The following PNPLA7 variants were observed in gnomAD, a reference collection of about 807,000 sequenced individuals.
PNPLA7 encodes the protein patatin-like phospholipase domain-containing protein 7.
In PNPLA7, 153 loss-of-function variants were observed where a neutral mutation model predicts 161.7. The observed-to-expected ratio is 0.95, with a 90% CI of 0.83 to 1.08. PNPLA7 has a LOEUF of 1.08. PNPLA7 is among the 50% of genes least tolerant of loss of function. The pLI, the probability that PNPLA7 is intolerant of heterozygous loss-of-function variation, is 0.00. For missense variants in PNPLA7, 1,739 were observed against 1,856.6 expected, an observed-to-expected ratio of 0.94 and a Z score of 1.16; for synonymous variants, 809 against 782.1, an observed-to-expected ratio of 1.03 and a Z score of -0.57.
intron 8 of PNPLA7, among the ~76,000 whole-genome samples, chr9:137,529,123 G>C (rs976960004): frequency 1.3e-5 from 2 of 152,182 alleles, no homozygotes; most frequent in South Asian, 2.1e-4. Flanking sequence ...TTAGCCTCCT[G>C]AGTAGCTGGG....
At chr9:137,542,226 T>A (rs1436576864) in intron 7 of PNPLA7, among the ~76,000 whole-genome samples, 3 of 152,172 alleles carry the variant, frequency 2.0e-5, no homozygotes, top group Non-Finnish European at 4.4e-5. Flanking sequence ...TCCAGTGCTC[T>A]GAGAGGACAA....
At chr9:137,465,742 G>T (rs573502699) in intron 26 of PNPLA7, among the ~76,000 whole-genome samples, 4 of 152,170 alleles carry the variant, frequency 2.6e-5, no homozygotes, top group Non-Finnish European at 2.9e-5. Context: ...TGCCGCACAG[G>T]GGGTGACGAA....
intron 8 of PNPLA7, among the ~76,000 whole-genome samples, chr9:137,539,202 G>C (rs1022161828): frequency 3.3e-5 from 5 of 152,090 alleles, no homozygotes; most frequent in African/African-American, 1.2e-4. Flanking sequence ...AATTAGCTGG[G>C]CATGGTGGCG....
At chr9:137,478,211 G>A (rs1014813640) in intron 24 of PNPLA7, 59 bp from the exon 25 acceptor site, 50 of 1,196,222 alleles carry the variant, frequency 4.2e-5, no homozygotes, top group East Asian at 9.5e-5. Flanking sequence ...CCGAGACCTC[G>A]CATCCTGGCT....
chr9:137,500,700 T>A lies in PNPLA7; in HGVS notation c.1748A>T (p.His583Leu). 6.2e-7 allele frequency: 1 copy of A among 1,612,092 alleles called. No homozygotes were observed. Among genetic ancestry groups the A allele is most frequent in the Middle Eastern group, 1.7e-4 (1 of 6,058 alleles). Residue 583 changes from histidine to leucine, a missense_variant, in exon 16 of 35, where the codon CAC becomes CTC. Transcript: ENST00000406427. This position sits in a 1 kb window ranked among gnomAD's most constrained non-coding sequence, Gnocchi z 5.5. ...DCSFLSISKA[H>L]FYEIMRKQPT... Reference sequence around the variant, plus strand: ...GGCCCGTGGGACTCACTCATAGAAGTGGGCCTTGGAGATGGACAGGAAGCT... The same window carrying A: ...GGCCCGTGGGACTCACTCATAGAAGAGGGCCTTGGAGATGGACAGGAAGCT...
chr9:137,548,779 G>C (rs929756004), intron 1 of PNPLA7, among the ~76,000 whole-genome samples: 1 of 152,142 alleles, frequency 6.6e-6, no homozygotes, highest in African/African-American at 2.4e-5. Flanking sequence ...AGTCAGAAGA[G>C]CACTCAGAAA....
chr9:137,494,998 C>A, intron 19 of PNPLA7, 35 bp downstream of exon 19: 1 of 1,564,318 alleles, frequency 6.4e-7, no homozygotes, highest in South Asian at 1.1e-5. Flanking sequence ...TCCACACCCT[C>A]ATCCGCTCCG....
rs1442466458 is a variant in PNPLA7, at chr9:137,534,408, C to G, written c.747+6234G>C. Among the ~76,000 whole-genome samples, 6 of 151,618 alleles carry G rather than the reference C, an allele frequency of 4.0e-5. No homozygotes were observed. In the East Asian group the frequency reaches 1.2e-3, roughly 30 times the overall value. ...TTCCAGGCTCCTCCCCAACAGTGTC[C>G]ACTCCAGATGGGAGCACTCCCAGAC... On this transcript the variant is annotated intron_variant, in intron 8 of 34. Coordinates refer to ENST00000406427, the MANE Select transcript of PNPLA7 (RefSeq NM_001098537.3).
At chr9:137,530,585 C>T (rs954363532) in intron 8 of PNPLA7, among the ~76,000 whole-genome samples, 21 of 152,338 alleles carry the variant, frequency 1.4e-4, no homozygotes, top group Admixed American at 9.8e-4. Flanking sequence ...GCTTTATTTT[C>T]GGAGTTCTCC....
rs1836229262 is a variant in PNPLA7 at position 137,541,938 on chromosome 9, C to T, written c.666+704G>A. Among the ~76,000 whole-genome samples the T allele has an allele frequency of 6.6e-6, 1 of 152,132 alleles. No individual in the cohort carries two copies. The highest frequency in any genetic ancestry group is 2.4e-5 in the African/African-American group (1 of 41,428). On this transcript the variant is annotated intron_variant, in intron 7 of 34. Transcript: ENST00000406427. This position sits in a 1 kb window ranked among gnomAD's most constrained non-coding sequence, Gnocchi z 4.4. ...TGGGACCACAGGTGCTACCACCATG[C>T]CTGGATAATTATTTTTTATTTTTTG...
intron 19 of PNPLA7, among the ~76,000 whole-genome samples, chr9:137,493,564 G>A (rs1219564453): frequency 6.6e-6 from 1 of 152,252 alleles, no homozygotes; most frequent in Non-Finnish European, 1.5e-5. Flanking sequence ...CCCACACCAG[G>A]GGTTGCTGGC....
At chr9:137,471,072 C>G (rs1831680310) in intron 25 of PNPLA7, among the ~76,000 whole-genome samples, 1 of 152,118 alleles carries the variant, frequency 6.6e-6, no homozygotes, top group Non-Finnish European at 1.5e-5. Flanking sequence ...CCCACCAGCA[C>G]AGTAAGGCAA....
rs1336479085 is a variant in PNPLA7, at chr9:137,486,636, C to G, written c.2198-1900G>C. ...CCCACCTCCGGCCCCAGGCTCCTAC[C>G]CGACCCACCAAAGCTCAGTCCCCGC... On this transcript the variant is annotated intron_variant, in intron 20 of 34. Transcript: ENST00000406427. The surrounding 1 kb of genome is among the most constrained non-coding windows in gnomAD (Gnocchi z 6.0). 1.3e-5 allele frequency among the ~76,000 whole-genome samples: 2 copies of G among 152,118 alleles called. No individual in the cohort carries two copies. Among genetic ancestry groups the G allele is most frequent in the East Asian group, 1.9e-4 (1 of 5,186 alleles).
chr9:137,517,409 CCG>C (rs1491273286), intron 11 of PNPLA7, among the ~76,000 whole-genome samples: 1 of 63,072 alleles, frequency 1.6e-5, no homozygotes. Flanking sequence ...ACTCCATCCC[CCG>C]TCACTCACTC....
In PNPLA7 at chr9:137,524,736, C is replaced by T. The variant is rs180905500; in HGVS notation, c.748-1879G>A. Among the ~76,000 whole-genome samples, 40 of 151,934 alleles carry T rather than the reference C, an allele frequency of 2.6e-4. No individual in the cohort carries two copies. In the East Asian group the frequency reaches 6.4e-3, roughly 24 times the overall value. ...GTTTTGCATTCTCACCAGCAGCGAA[C>T]GAGTTTCCGTGGATGCCCCGTGGAA... is the stretch of plus-strand genomic sequence containing the variant. On this transcript the variant is annotated intron_variant, in intron 8 of 34. Transcript: ENST00000406427. The surrounding 1 kb of genome is among the most constrained non-coding windows in gnomAD (Gnocchi z 4.4).
At chr9:137,546,199 CCTCT>C (rs749961518) in intron 4 of PNPLA7, among the ~76,000 whole-genome samples, 6 of 151,658 alleles carry the variant, frequency 4.0e-5, no homozygotes, top group Admixed American at 6.6e-5. Flanking sequence ...CTCTCTCTCT[CCTCT>C]CTCTCTCTGT....
chr9:137,517,160 T>C (rs1483696195), intron 11 of PNPLA7, among the ~76,000 whole-genome samples: 3 of 111,920 alleles, frequency 2.7e-5, no homozygotes, highest in Admixed American at 9.5e-5. Flanking sequence ...TCCACTCTGC[T>C]CACTCCATCC....
chr9:137,538,273 A>G (rs1236581409), intron 8 of PNPLA7, among the ~76,000 whole-genome samples: 1 of 152,132 alleles, frequency 6.6e-6, no homozygotes, highest in Non-Finnish European at 1.5e-5. Flanking sequence ...AGTCCCAGGG[A>G]GCACAACGAG....
At chr9:137,518,232 C>T (rs1834744479) in intron 11 of PNPLA7, among the ~76,000 whole-genome samples, 1 of 141,070 alleles carries the variant, frequency 7.1e-6, no homozygotes, top group African/African-American at 2.8e-5. Context: ...CACTCACTCA[C>T]TCCACTCTGT....
Sources: allele counts gnomAD v4.1 joint callset (sites outside exome capture counted in the v4.1 genomes callset), GRCh38; gene constraint gnomAD v4.1.1; non-coding constraint Gnocchi (gnomAD v3.1); transcripts MANE v1.5; gene names NCBI Gene and HGNC (gene_info 2026-07-23, HGNC 2026-07-21).